KCNK2: variants seen among roughly 807,000 people sequenced by gnomAD.
KCNK2 encodes the protein potassium channel subfamily K member 2.
A neutral mutation model predicts 40.5 loss-of-function variants in KCNK2; 21 were observed. That is an observed-to-expected ratio of 0.52 (90% CI 0.37 to 0.75). KCNK2 has a LOEUF of 0.75. Among genes scored for constraint, KCNK2 ranks in the 30% least tolerant of loss-of-function variants. The pLI is 0.00. For synonymous variants in KCNK2, 191 were observed against 202.2 expected, an observed-to-expected ratio of 0.94 and a Z score of 0.47; for missense variants, 399 against 531.6, an observed-to-expected ratio of 0.75 and a Z score of 2.45.
chr1:215,130,201 C>T lies in KCNK2; in HGVS notation c.475+5451C>T, dbSNP rs150378649. On this transcript the variant is annotated intron_variant, in intron 3 of 6. Transcript: ENST00000444842. ...AATCACCAATGGCCAATTATTTAAT[C>T]GTCAGGCCTACTTCATGAAAGCTCC... 1.2e-3 allele frequency among the ~76,000 whole-genome samples: 187 copies of T among 152,234 alleles called. 1 individual carries two copies. The highest frequency in any genetic ancestry group is 4.0e-3 in the African/African-American group (168 of 41,558).
intron 1 of KCNK2, among the ~76,000 whole-genome samples, chr1:215,070,259 A>G (rs1465772635): frequency 2.0e-5 from 3 of 151,478 alleles, no homozygotes; most frequent in African/African-American, 7.3e-5. Context: ...AAAAAACACA[A>G]AAAGAAATTA....
intron 5 of KCNK2, among the ~76,000 whole-genome samples, chr1:215,191,860 G>T (rs1189606513): frequency 1.3e-5 from 2 of 152,096 alleles, no homozygotes; most frequent in African/African-American, 4.8e-5. Flanking sequence ...GGGAGAGTGG[G>T]CTGTAGCATC....
chr1:215,218,228 C>G (rs1666033998), intron 6 of KCNK2, among the ~76,000 whole-genome samples: 1 of 152,128 alleles, frequency 6.6e-6, no homozygotes, highest in Admixed American at 6.5e-5. Flanking sequence ...TATCTATGAA[C>G]ATGGGAGTGG....
At chr1:215,224,569 C>T (rs1666308177) in intron 6 of KCNK2, among the ~76,000 whole-genome samples, 1 of 150,500 alleles carries the variant, frequency 6.6e-6, no homozygotes, top group Non-Finnish European at 1.5e-5. Context: ...TTTTTTCAAA[C>T]TGAAAAGACT....
At chr1:215,049,538 C>CT (rs1324765296) in intron 1 of KCNK2, among the ~76,000 whole-genome samples, 4 of 151,968 alleles carry the variant, frequency 2.6e-5, no homozygotes, top group Admixed American at 1.3e-4. Context: ...ATAGATTGTG[C>CT]TTTTTGTGTC....
At chr1:215,123,035 C>T (rs752923356) in intron 2 of KCNK2, among the ~76,000 whole-genome samples, 6 of 151,978 alleles carry the variant, frequency 3.9e-5, no homozygotes, top group Non-Finnish European at 7.4e-5. Context: ...TGAGCCACCA[C>T]GCCCCACCGA....
intron 2 of KCNK2, among the ~76,000 whole-genome samples, chr1:215,092,431 C>T (rs150533658): frequency 1.3e-5 from 2 of 152,202 alleles, no homozygotes; most frequent in Non-Finnish European, 2.9e-5. Flanking sequence ...GATGGGATGC[C>T]ACATAGCAGG....
chr1:215,084,261 G>A (rs1279717925), intron 1 of KCNK2, among the ~76,000 whole-genome samples: 8 of 149,796 alleles, frequency 5.3e-5, no homozygotes, highest in African/African-American at 1.7e-4. Context: ...GCATATAATG[G>A]CCATGTGGCA....
intron 6 of KCNK2, among the ~76,000 whole-genome samples, chr1:215,227,282 G>T (rs1461716648): frequency 6.6e-6 from 1 of 152,172 alleles, no homozygotes; most frequent in Non-Finnish European, 1.5e-5. Flanking sequence ...ACTAGCAAAT[G>T]ATTCTAATGT....
chr1:215,025,612 T>A (rs1656976477), intron 1 of KCNK2, among the ~76,000 whole-genome samples: 1 of 152,216 alleles, frequency 6.6e-6, no homozygotes, highest in East Asian at 1.9e-4. Context: ...TGTGAGTATG[T>A]TTTTGTCATT....
At chr1:215,020,964 T>C (rs1656766337) in intron 1 of KCNK2, among the ~76,000 whole-genome samples, 1 of 152,198 alleles carries the variant, frequency 6.6e-6, no homozygotes, top group Admixed American at 6.5e-5. Context: ...TAGTATAATA[T>C]AAAAAATTCA....
intron 2 of KCNK2, among the ~76,000 whole-genome samples, chr1:215,088,494 T>A (rs1366533639): frequency 6.6e-6 from 1 of 151,886 alleles, no homozygotes. Flanking sequence ...TCCTCTCTTG[T>A]CCCTTCATTG....
chr1:215,014,276 A>G (rs765431477), intron 1 of KCNK2, among the ~76,000 whole-genome samples: 6 of 152,026 alleles, frequency 3.9e-5, no homozygotes, highest in Non-Finnish European at 8.8e-5. Flanking sequence ...ACTGTAAGAC[A>G]GTTCTCTTGT....
intron 5 of KCNK2, among the ~76,000 whole-genome samples, chr1:215,177,740 A>ATATATATATATATT (rs71167812): frequency 1.1e-4 from 11 of 101,600 alleles, no homozygotes; most frequent in African/African-American, 1.4e-4. Flanking sequence ...ATATATATAT[A>ATATATATATATATT]TTTTTTTTTT....
At chr1:215,040,341 T>A (rs1657522647) in intron 1 of KCNK2, among the ~76,000 whole-genome samples, 1 of 152,168 alleles carries the variant, frequency 6.6e-6, no homozygotes, top group Non-Finnish European at 1.5e-5. Context: ...AACAGATGAT[T>A]AGAGAGGTTG....
intron 1 of KCNK2, among the ~76,000 whole-genome samples, chr1:215,008,830 A>T (rs1656277746): frequency 6.6e-6 from 1 of 152,284 alleles, no homozygotes; most frequent in South Asian, 2.1e-4. Flanking sequence ...CTACATGTGC[A>T]GTAAAAAAAT....
intron 1 of KCNK2, among the ~76,000 whole-genome samples, chr1:215,055,859 T>G (rs1206695139): frequency 6.6e-6 from 1 of 152,208 alleles, no homozygotes. Flanking sequence ...GCATTGTCCT[T>G]GATGGATTCT....
At chr1:215,123,685 C>A (rs145685083) in intron 2 of KCNK2, among the ~76,000 whole-genome samples, 39 of 152,220 alleles carry the variant, frequency 2.6e-4, no homozygotes, top group African/African-American at 8.7e-4. Context: ...CACTTTTCTT[C>A]TCTTGGCCTT....
At chr1:215,090,253 A>G (rs894799926) in intron 2 of KCNK2, among the ~76,000 whole-genome samples, 1 of 152,182 alleles carries the variant, frequency 6.6e-6, no homozygotes, top group Non-Finnish European at 1.5e-5. Flanking sequence ...AACCACCGTA[A>G]TAGGTAGGTG....
Sources: allele counts gnomAD v4.1 joint callset (sites outside exome capture counted in the v4.1 genomes callset), GRCh38; gene constraint gnomAD v4.1.1; transcripts MANE v1.5; gene names NCBI Gene and HGNC (gene_info 2026-07-23, HGNC 2026-07-21).